Variants in PPM1E observed in about 807,000 individuals in gnomAD.
The protein encoded by PPM1E is protein phosphatase 1E.
In PPM1E, 20 loss-of-function variants were observed where a neutral mutation model predicts 65.9. The observed-to-expected ratio is 0.30, with a 90% confidence interval of 0.21 to 0.44. PPM1E has a LOEUF of 0.44. PPM1E is among the 20% of genes least tolerant of loss of function. The pLI, the probability that PPM1E is intolerant of heterozygous loss-of-function variation, is 1.00. For synonymous variants in PPM1E, 352 were observed against 374.9 expected (o/e 0.94, Z 0.70); for missense variants, 713 against 953.1 (o/e 0.75, Z 3.32).
At chr17:58,775,001 C>T (rs993810684) in intron 1 of PPM1E, among the ~76,000 whole-genome samples, 11 of 151,944 alleles carry the variant, frequency 7.2e-5, no homozygotes, top group Admixed American at 6.6e-4. Context: ...TACAGGCACA[C>T]GCCACCAGGC....
chr17:58,859,944 A>C (rs1379375437), intron 1 of PPM1E, among the ~76,000 whole-genome samples: 1 of 152,218 alleles, frequency 6.6e-6, no homozygotes, highest in Non-Finnish European at 1.5e-5. Context: ...ATGATAGCTC[A>C]GGTTTCCCCT....
intron 1 of PPM1E, among the ~76,000 whole-genome samples, chr17:58,797,532 A>G (rs1233480222): frequency 3.3e-5 from 5 of 152,164 alleles, no homozygotes; most frequent in Non-Finnish European, 5.9e-5. Flanking sequence ...CATTCATGTC[A>G]TTGCATGTAT....
chr17:58,800,942 TTTA>T (rs2143051297), intron 1 of PPM1E, among the ~76,000 whole-genome samples: 1 of 152,310 alleles, frequency 6.6e-6, no homozygotes, highest in South Asian at 2.1e-4. Context: ...ATTGCAATTC[TTTA>T]TCATTTCTTT....
At chr17:58,888,851 A>G (rs1350504025) in intron 1 of PPM1E, among the ~76,000 whole-genome samples, 1 of 152,216 alleles carries the variant, frequency 6.6e-6, no homozygotes, top group Non-Finnish European at 1.5e-5. Context: ...ATGTCATTTA[A>G]GAGGTGCAGG....
intron 1 of PPM1E, among the ~76,000 whole-genome samples, chr17:58,941,553 T>C (rs2143602958): frequency 6.9e-6 from 1 of 145,814 alleles, no homozygotes. Flanking sequence ...ATTAGCTGGG[T>C]GTGTTGGTGT....
intron 1 of PPM1E, among the ~76,000 whole-genome samples, chr17:58,773,003 CTCA>C (rs956748074): frequency 6.8e-6 from 1 of 148,056 alleles, no homozygotes; most frequent in African/African-American, 2.5e-5. Flanking sequence ...GATCGTTTCT[CTCA>C]TCATTCTACC....
chr17:58,799,360 A>G (rs949311460), intron 1 of PPM1E, among the ~76,000 whole-genome samples: 7 of 151,102 alleles, frequency 4.6e-5, no homozygotes, highest in African/African-American at 1.7e-4. Flanking sequence ...GCTCACTGCA[A>G]CCTCCACCTC....
chr17:58,864,946 A>C (rs1259269542), intron 1 of PPM1E, among the ~76,000 whole-genome samples: 2 of 152,100 alleles, frequency 1.3e-5, no homozygotes, highest in East Asian at 3.9e-4. Flanking sequence ...GAAAAACAAC[A>C]ACAAAAAAGA....
At chr17:58,805,983 AACAAAACAAAAC>A (rs1567838919) in intron 1 of PPM1E, among the ~76,000 whole-genome samples, 37 of 99,708 alleles carry the variant, frequency 3.7e-4, no homozygotes, top group South Asian at 1.7e-3. Context: ...ACAAAAAAAA[AACAAAACAAAAC>A]AAAACAAAAA....
intron 1 of PPM1E, among the ~76,000 whole-genome samples, chr17:58,842,790 TAGCC>T (rs1268664955): frequency 1.2e-4 from 18 of 151,824 alleles, no homozygotes; most frequent in East Asian, 1.9e-4. Flanking sequence ...AATACAAAAT[TAGCC>T]AGGTGTGGTG....
Position 58,756,190 on chromosome 17 carries a change from G to A in PPM1E, c.193G>A (p.Glu65Lys), listed in dbSNP as rs2144116162. ...TGAGGCGGCCGAGGCTTCGGTAGAG[G>A]AACCCGGGGAGGAGGCGGCCACGGT... ...EAEAAEASVE[E>K]PGEEAATVAA... Residue 65 changes from glutamate (E) to lysine (K), a missense_variant, in exon 1 of 7, where the codon GAA becomes AAA. By Grantham distance (56) the Glu-to-Lys change is moderately conservative. Transcript: ENST00000308249. The A allele has an allele frequency of 6.4e-7, 1 of 1,563,924 alleles. No individual in the cohort carries two copies. The highest frequency in any genetic ancestry group is 1.2e-5 in the South Asian group (1 of 85,470).
intron 1 of PPM1E, among the ~76,000 whole-genome samples, chr17:58,775,709 TC>T (rs779196308): frequency 1.1e-4 from 16 of 149,670 alleles, no homozygotes; most frequent in Non-Finnish European, 2.2e-4. Flanking sequence ...GGTCAGGAGA[TC>T]AAGACCATCC....
chr17:58,980,516 T>C lies in PPM1E; in HGVS notation c.1753T>C (p.Phe585Leu), dbSNP rs113639836. 1.9e-6 allele frequency: 3 copies of C among 1,614,150 alleles called. No homozygotes were observed. The African/African-American group carries it at 4.0e-5, about 22-fold the overall frequency. ...IEASKPHSAQFLLPVEMFGPG... is the reference protein window; with the variant it reads ...IEASKPHSAQLLLPVEMFGPG... ...AGCAAGCAAACCTCACAGTGCCCAG[T>C]TTTTGCTACCAGTTGAGATGTTTGG... Residue 585 changes from phenylalanine to leucine, a missense_variant, in exon 7 of 7, where the codon TTT (phenylalanine) becomes CTT (leucine). Transcript: ENST00000308249. The surrounding 1 kb of genome is among the most constrained non-coding windows in gnomAD (Gnocchi z 4.7).
intron 1 of PPM1E, among the ~76,000 whole-genome samples, chr17:58,944,286 G>C (rs113024082): frequency 6.6e-6 from 1 of 152,178 alleles, no homozygotes; most frequent in African/African-American, 2.4e-5. Context: ...CCCATTTAAA[G>C]TTTACAACTA....
At chr17:58,788,232 G>A (rs1275605721) in intron 1 of PPM1E, among the ~76,000 whole-genome samples, 1 of 152,018 alleles carries the variant, frequency 6.6e-6, no homozygotes, top group Non-Finnish European at 1.5e-5. Context: ...TGAACTTTTA[G>A]TAGAGACGAG....
chr17:58,802,772 AC>A (rs2050270645), intron 1 of PPM1E, among the ~76,000 whole-genome samples: 1 of 151,868 alleles, frequency 6.6e-6, no homozygotes, highest in African/African-American at 2.4e-5. Flanking sequence ...TGTTCCTAAA[AC>A]TATTTTATTA....
intron 1 of PPM1E, among the ~76,000 whole-genome samples, chr17:58,780,202 A>G (rs951306806): frequency 6.6e-6 from 1 of 152,076 alleles, no homozygotes; most frequent in Non-Finnish European, 1.5e-5. Flanking sequence ...TTTACCTCCA[A>G]CTCCAATAGT....
intron 1 of PPM1E, among the ~76,000 whole-genome samples, chr17:58,767,011 T>C (rs1015069318): frequency 2.6e-5 from 4 of 152,194 alleles, no homozygotes; most frequent in African/African-American, 4.8e-5. Flanking sequence ...AAAACAGTTT[T>C]GTGTCTAATA....
intron 1 of PPM1E, among the ~76,000 whole-genome samples, chr17:58,930,964 A>T (rs2051886493): frequency 6.6e-6 from 1 of 151,672 alleles, no homozygotes; most frequent in South Asian, 2.1e-4. Context: ...CTGTAATCCC[A>T]GCACTTTGGG....
Sources: gnomAD v4.1 joint callset for allele counts (sites outside exome capture counted in the v4.1 genomes callset) on GRCh38, gnomAD v4.1.1 for gene constraint, Gnocchi (gnomAD v3.1) non-coding constraint, MANE v1.5 for transcripts, NCBI Gene and HGNC (gene_info 2026-07-23, HGNC 2026-07-21) for gene names.